Variants in KHDRBS1 observed in about 807,000 individuals in gnomAD.
KHDRBS1 encodes KH RNA binding domain containing, signal transduction associated 1.
KHDRBS1 carries 7 observed loss-of-function variants against 48.4 expected under a neutral mutation model. That is an observed-to-expected ratio of 0.14 (90% CI 0.08 to 0.27). The LOEUF (loss-of-function observed/expected upper bound fraction) is 0.27. Ranked by LOEUF, KHDRBS1 falls within the 10% of genes least tolerant of loss-of-function variation. KHDRBS1 has a pLI of 1.00. For synonymous variants in KHDRBS1, 241 were observed against 235.8 expected, an observed-to-expected ratio of 1.02 and a Z score of -0.20; for missense variants, 458 against 601.2, an observed-to-expected ratio of 0.76 and a Z score of 2.49.
At chr1:32,017,956 T>C (rs1489030281) in intron 1 of KHDRBS1, among the ~76,000 whole-genome samples, 1 of 152,142 alleles carries the variant, frequency 6.6e-6, no homozygotes, top group Non-Finnish European at 1.5e-5. Flanking sequence ...TATAAGTGAC[T>C]CAAGAATAAA....
intron 6 of KHDRBS1, 94 bp from the exon 7 acceptor site, chr1:32,038,458 T>C: frequency 8.2e-7 from 1 of 1,221,372 alleles, no homozygotes; most frequent in Non-Finnish European, 1.2e-6. Context: ...TCCTTTTAAT[T>C]CAGAAGCCTA....
chr1:32,037,132 A>G, intron 5 of KHDRBS1, 89 bp downstream of exon 5: 5 of 1,420,360 alleles, frequency 3.5e-6, no homozygotes, highest in Non-Finnish European at 4.8e-6. Context: ...CTAGCTTAGG[A>G]AGGGTCTCAG....
intron 1 of KHDRBS1, among the ~76,000 whole-genome samples, chr1:32,026,394 G>T (rs1638971453): frequency 6.6e-6 from 1 of 152,190 alleles, no homozygotes; most frequent in Admixed American, 6.5e-5. Context: ...CTGGGCTCCA[G>T]TGATCCTTCT....
At chr1:32,036,888 T>G (rs1262805034) in intron 4 of KHDRBS1, 22 bp from the exon 5 acceptor site, 1 of 1,607,002 alleles carries the variant, frequency 6.2e-7, no homozygotes, top group Non-Finnish European at 8.5e-7. Flanking sequence ...CACACAATAC[T>G]CCTTGTATCT....
chr1:32,022,299 G>A (rs551963347), intron 1 of KHDRBS1, among the ~76,000 whole-genome samples: 13 of 151,980 alleles, frequency 8.6e-5, no homozygotes, highest in South Asian at 8.4e-4. Flanking sequence ...CGCCCCAGCC[G>A]GTACATTTCT....
intron 4 of KHDRBS1, 135 bp downstream of exon 4, chr1:32,033,469 C>T: frequency 8.3e-7 from 1 of 1,202,948 alleles, no homozygotes; most frequent in Non-Finnish European, 1.1e-6. Context: ...TGTTCATTTT[C>T]CTTAGGTAGT....
intron 10 of KHDRBS1, among the ~76,000 whole-genome samples, chr1:32,054,304 A>G (rs887647890): frequency 5.9e-5 from 9 of 152,148 alleles, no homozygotes; most frequent in Non-Finnish European, 1.5e-5. Context: ...AGCCTTCTAT[A>G]AAGTGGCACT....
chr1:32,015,945 C>T (rs1638731230), intron 1 of KHDRBS1, among the ~76,000 whole-genome samples: 1 of 152,154 alleles, frequency 6.6e-6, no homozygotes, highest in Non-Finnish European at 1.5e-5. Flanking sequence ...CTTTGGGAGG[C>T]CGAGACGGGC....
Position 32,014,042 on chromosome 1 carries a change from G to A in KHDRBS1, c.47G>A (p.Gly16Asp). 1 of 1,521,332 alleles carries A rather than the reference G, an allele frequency of 6.6e-7. No homozygotes were observed. The highest frequency in any genetic ancestry group is 8.7e-7 in the Non-Finnish European group (1 of 1,145,590). 94.2% of individuals were successfully genotyped at this position (1,521,332 alleles called of 1,614,324 possible). The part of the protein sequence containing the change: ...DPAARMSRSS[G>D]RSGSMDPSGA... ...GCCGCGCGCATGAGCCGGTCTTCGG[G>A]CCGTAGCGGCTCCATGGACCCCTCC... is the stretch of plus-strand genomic sequence containing the variant. Residue 16 changes from glycine (G) to aspartate (D), a missense_variant, in exon 1 of 9, where the codon GGC becomes GAC. This residue lies in a region of KHDRBS1 where 213 missense variants were observed against 215.6 expected (regional missense o/e 0.99). Transcript: ENST00000327300.
At chr1:32,019,899 G>A (rs1638823377) in intron 1 of KHDRBS1, among the ~76,000 whole-genome samples, 1 of 152,042 alleles carries the variant, frequency 6.6e-6, no homozygotes, top group African/African-American at 2.4e-5. Context: ...AGCCTCCCGA[G>A]TAGGTGGGAT....
chr1:32,018,650 G>A (rs1456776542), intron 1 of KHDRBS1, among the ~76,000 whole-genome samples: 1 of 151,606 alleles, frequency 6.6e-6, no homozygotes, highest in Admixed American at 6.6e-5. Flanking sequence ...CCAGCTACTG[G>A]GGAGGCTGAG....
downstream of KHDRBS1, among the ~76,000 whole-genome samples, chr1:32,046,729 C>A (rs898340740): frequency 6.6e-6 from 1 of 152,190 alleles, no homozygotes; most frequent in Non-Finnish European, 1.5e-5. Context: ...AAAGGCCTAA[C>A]TAGGTAAGCC....
intron 1 of KHDRBS1, among the ~76,000 whole-genome samples, chr1:32,020,876 G>A (rs1638844282): frequency 6.6e-6 from 1 of 152,116 alleles, no homozygotes; most frequent in African/African-American, 2.4e-5. Context: ...TGACTGAGGT[G>A]GTGGTCACAT....
chr1:32,058,302 G>T (rs1380109873), intron 10 of KHDRBS1, among the ~76,000 whole-genome samples: 2 of 152,076 alleles, frequency 1.3e-5, no homozygotes, highest in African/African-American at 4.8e-5. Context: ...TGCCCAGGAT[G>T]GAGAACTTCT....
At chr1:32,037,138 CT>C in intron 5 of KHDRBS1, 95 bp downstream of exon 5, 1 of 1,367,186 alleles carries the variant, frequency 7.3e-7, no homozygotes, top group Non-Finnish European at 1.0e-6. Flanking sequence ...TAGGAAGGGT[CT>C]CAGGATTTGT....
intron 1 of KHDRBS1, among the ~76,000 whole-genome samples, chr1:32,017,803 C>T (rs904685436): frequency 6.6e-6 from 1 of 151,738 alleles, no homozygotes; most frequent in African/African-American, 2.4e-5. Flanking sequence ...GACGGGGTTT[C>T]TCCATGTTGG....
At chr1:32,016,757 C>T (rs1296709776) in intron 1 of KHDRBS1, among the ~76,000 whole-genome samples, 1 of 152,122 alleles carries the variant, frequency 6.6e-6, no homozygotes, top group Non-Finnish European at 1.5e-5. Context: ...ATCTGTTGCA[C>T]TATATTGTCG....
At chr1:32,025,120 G>A (rs533878822) in intron 1 of KHDRBS1, among the ~76,000 whole-genome samples, 21 of 151,094 alleles carry the variant, frequency 1.4e-4, no homozygotes, top group Non-Finnish European at 3.0e-4. Flanking sequence ...AAAAAAATTA[G>A]CCAGGCATGG....
chr1:32,046,511 G>A (rs761750747), downstream of KHDRBS1, among the ~76,000 whole-genome samples: 25 of 152,156 alleles, frequency 1.6e-4, no homozygotes, highest in Non-Finnish European at 3.4e-4. Flanking sequence ...CACCACACCC[G>A]GCTGGGAAAG....
Sources: allele counts gnomAD v4.1 joint callset (sites outside exome capture counted in the v4.1 genomes callset), GRCh38; gene constraint gnomAD v4.1.1; regional missense constraint gnomAD v4.1.1; transcripts MANE v1.5; gene names NCBI Gene and HGNC (gene_info 2026-07-23, HGNC 2026-07-21).